Variants in SH2B2 observed in about 807,000 individuals in gnomAD.
SH2B2 encodes SH2B adapter protein 2.
Under a neutral mutation model 35.7 loss-of-function variants are expected in SH2B2, and 37 were observed. The observed-to-expected ratio is 1.04, with a 90% CI of 0.80 to 1.36. The LOEUF is 1.36. Among genes scored for constraint, SH2B2 ranks in the 40% most tolerant of loss-of-function variants. The pLI is 0.00. For missense variants in SH2B2, 852 were observed against 817.7 expected (o/e 1.04, Z -0.51); for synonymous variants, 383 against 376.4 (o/e 1.02, Z -0.20).
At chr7:102,319,217 C>G (rs782645573) in intron 7 of SH2B2, among the ~76,000 whole-genome samples, 1 of 152,192 alleles carries the variant, frequency 6.6e-6, no homozygotes, top group East Asian at 1.9e-4. Flanking sequence ...GTCCAACTTG[C>G]TTCTTCTCTC....
Position 102,314,691 on chromosome 7 carries a change from GGGGAC to G in SH2B2, c.1186+10_1186+14del. The G allele has an allele frequency of 2.5e-6, 1 of 398,708 alleles. No individual in the cohort carries two copies. Among genetic ancestry groups the G allele is most frequent in the Non-Finnish European group, 4.4e-6 (1 of 226,196 alleles). The allele number at this position is 398,708 out of a possible 1,614,324, so 24.7% of individuals were successfully genotyped here. On this transcript the variant is annotated intron_variant, in intron 6 of 8. Transcript: ENST00000444095. ...TGACAGCAATAACACAGGTGCCAGT[GGGGAC>G]AGCCTGCTCTTCCCATCCCACCTCT...
At position 102,321,677 on chromosome 7, in the gene SH2B2, C is replaced by G; in HGVS notation, c.*47C>G. ...GACACGCCAAGCTCTTCAGTGAAGA[C>G]ACGATGTTATTAAAAGCCTGTTTTA... On this transcript the variant is annotated 3_prime_UTR_variant, in exon 9 of 9. Coordinates refer to ENST00000444095, the MANE Select transcript of SH2B2 (RefSeq NM_001359228.2). 4.6e-6 allele frequency: 5 copies of G among 1,096,636 alleles called. No homozygotes were observed. Among genetic ancestry groups the G allele is most frequent in the Non-Finnish European group, 5.6e-6 (5 of 899,798 alleles). The allele number at this position is 1,096,636 out of a possible 1,614,324, so 67.9% of individuals were successfully genotyped here. A position where few individuals can be genotyped will look rare whatever the true frequency, so the allele number is the denominator to read the frequency against.
Position 102,291,861 on chromosome 7 carries a change from G to A in SH2B2, c.-30+4767G>A, listed in dbSNP as rs116480479. 9.9e-3 allele frequency among the ~76,000 whole-genome samples: 1,508 copies of A among 152,302 alleles called. 25 individuals carry two copies. The highest frequency in any genetic ancestry group is 0.034 in the African/African-American group (1,423 of 41,556). ...ACTCATACCTAGTCAGCGGGTGGGAGTCACTCCAGGCCGGAGGGATGACCT... is the reference window on the plus strand; with the variant it reads ...ACTCATACCTAGTCAGCGGGTGGGAATCACTCCAGGCCGGAGGGATGACCT... On this transcript the variant is annotated intron_variant, in intron 1 of 8. Coordinates refer to ENST00000444095, the MANE Select transcript of SH2B2 (RefSeq NM_001359228.2).
chr7:102,321,357 C>G lies in SH2B2; in HGVS notation c.1626C>G (p.Pro542=), dbSNP rs782425353. Residue 542 remains proline, a synonymous_variant, in exon 9 of 9, where the codon CCC becomes CCG. Coordinates refer to ENST00000444095, the MANE Select transcript of SH2B2 (RefSeq NM_001359228.2). ...CCCCGGCCTGCTGGAGCGACTCGCC[C>G]GGCCAGCACTACTTCTCCAGCCTCG... ...PASPACWSDS[P]GQHYFSSLAA... is the part of the protein sequence containing the mutation. 7.0e-7 allele frequency: 1 copy of G among 1,437,450 alleles called. No homozygotes were observed. The highest frequency in any genetic ancestry group is 3.1e-5 in the East Asian group (1 of 32,212). 89.0% of individuals were successfully genotyped at this position (1,437,450 alleles called of 1,614,324 possible).
chr7:102,289,194 A>G (rs1792576423), intron 1 of SH2B2, among the ~76,000 whole-genome samples: 1 of 152,168 alleles, frequency 6.6e-6, no homozygotes, highest in South Asian at 2.1e-4. Context: ...CTCTGGGTGA[A>G]GCAGGGTTTG....
intron 4 of SH2B2, among the ~76,000 whole-genome samples, chr7:102,311,522 T>C (rs1793618654): frequency 6.7e-6 from 1 of 150,284 alleles, no homozygotes; most frequent in Admixed American, 6.7e-5. Context: ...CCCAAAGTGC[T>C]GGGATTACAG....
At chr7:102,286,775 G>GGGGGCGGGA, upstream of SH2B2, 1 of 53,516 alleles carries the variant, frequency 1.9e-5, no homozygotes, top group Non-Finnish European at 4.3e-5. Context: ...AGGGGGCGGG[G>GGGGGCGGGA]CCAGGACGCG....
intron 1 of SH2B2, among the ~76,000 whole-genome samples, chr7:102,294,581 G>C (rs939033677): frequency 1.3e-5 from 2 of 152,104 alleles, no homozygotes; most frequent in Admixed American, 1.3e-4. Flanking sequence ...CACTCAGGGA[G>C]CACCCACGGG....
rs1464168368 is a variant in SH2B2 at position 102,321,335 on chromosome 7, C to T, written c.1604C>T (p.Pro535Leu). The T allele has an allele frequency of 1.4e-6, 2 of 1,437,444 alleles. No homozygotes were observed. The highest frequency in any genetic ancestry group is 1.8e-6 in the Non-Finnish European group (2 of 1,101,320). The allele number at this position is 1,437,444 out of a possible 1,614,324, so 89.0% of individuals were successfully genotyped here. Reference protein sequence around the residue: ...GPTPPAAPASPACWSDSPGQH... With the variant: ...GPTPPAAPASLACWSDSPGQH... ...ACGCCCCCTGCCGCGCCCGCGTCCC[C>T]GGCCTGCTGGAGCGACTCGCCCGGC... The change falls in exon 9 of 9, where the codon CCG becomes CTG. Residue 535 changes from proline (P) to leucine (L), a missense_variant. Pro to Leu is a moderately conservative substitution (Grantham distance 98, BLOSUM62 -3). This residue lies in a region of SH2B2 where 556 missense variants were observed against 514.5 expected (regional missense o/e 1.08). Transcript: ENST00000444095.
intron 4 of SH2B2, among the ~76,000 whole-genome samples, chr7:102,311,469 C>T (rs1474480166): frequency 3.3e-5 from 5 of 151,540 alleles, no homozygotes; most frequent in South Asian, 2.1e-4. Context: ...TGGTCAGGCT[C>T]GTCTCGAACT....
At chr7:102,289,600 G>A (rs187969906) in intron 1 of SH2B2, among the ~76,000 whole-genome samples, 1 of 152,162 alleles carries the variant, frequency 6.6e-6, no homozygotes, top group Non-Finnish European at 1.5e-5. Flanking sequence ...AGCACCTGTA[G>A]TCTCCAGAGT....
At position 102,300,635 on chromosome 7, in the gene SH2B2, C is replaced by G. The variant is rs1240992463; in HGVS notation, c.85C>G (p.Leu29Val). 1 of 1,550,340 alleles carries G rather than the reference C, an allele frequency of 6.5e-7. No individual in the cohort carries two copies. The highest frequency in any genetic ancestry group is 8.7e-7 in the Non-Finnish European group (1 of 1,145,848). The change falls in exon 2 of 9, where the codon CTG (leucine) becomes GTG (valine). Residue 29 changes from leucine (L) to valine (V), a missense_variant. Physicochemically the swap from Leu to Val is conservative, Grantham distance 32. Coordinates refer to ENST00000444095, the MANE Select transcript of SH2B2 (RefSeq NM_001359228.2). ...PVPDWRQFCELHAQAAAVDFA... is the reference protein window; with the variant it reads ...PVPDWRQFCEVHAQAAAVDFA... Reference sequence around the variant, plus strand: ...CCCGGACTGGCGGCAGTTCTGCGAGCTGCATGCGCAGGCGGCCGCCGTGGA... The same window carrying G: ...CCCGGACTGGCGGCAGTTCTGCGAGGTGCATGCGCAGGCGGCCGCCGTGGA...
At chr7:102,308,973 G>A in intron 4 of SH2B2, 67 bp downstream of exon 4, 1 of 1,266,036 alleles carries the variant, frequency 7.9e-7, no homozygotes, top group Non-Finnish European at 1.2e-6. Context: ...GCCTTCACCA[G>A]GAGCAGCTTC....
intron 1 of SH2B2, among the ~76,000 whole-genome samples, chr7:102,294,173 G>T (rs575086425): frequency 1.3e-5 from 2 of 152,054 alleles, no homozygotes; most frequent in Admixed American, 6.6e-5. Flanking sequence ...GACTACAGGC[G>T]TGTGCCACCA....
chr7:102,320,111 G>A (rs1407099365), intron 7 of SH2B2, among the ~76,000 whole-genome samples: 4 of 152,116 alleles, frequency 2.6e-5, no homozygotes, highest in Non-Finnish European at 5.9e-5. Context: ...TAGTGGAGGT[G>A]CTCCCAGCAT....
Position 102,321,382 on chromosome 7 carries a change from G to T in SH2B2, c.1651G>T (p.Ala551Ser). ...SPGQHYFSSLAAAACPPASPS... is the reference protein window; with the variant it reads ...SPGQHYFSSLSAAACPPASPS... The stretch of plus-strand genomic sequence containing the variant: ...CGGCCAGCACTACTTCTCCAGCCTC[G>T]CCGCGGCCGCCTGCCCGCCTGCCTC... Residue 551 changes from alanine (A) to serine (S), a missense_variant, in exon 9 of 9, where the codon GCC (alanine) becomes TCC (serine). Physicochemically the swap from Ala to Ser is moderately conservative, Grantham distance 99. Around this residue, in one of 3 missense-constraint regions of SH2B2, gnomAD observed 556 missense variants for 514.5 expected, o/e 1.08. Transcript: ENST00000444095. 1 of 1,389,058 alleles carries T rather than the reference G, an allele frequency of 7.2e-7. No individual in the cohort carries two copies. The highest frequency in any genetic ancestry group is 9.3e-7 in the Non-Finnish European group (1 of 1,071,652). The allele number at this position is 1,389,058 out of a possible 1,614,324, so 86.0% of individuals were successfully genotyped here.
chr7:102,286,452 A>G (rs1203853162), upstream of SH2B2, among the ~76,000 whole-genome samples: 3 of 151,994 alleles, frequency 2.0e-5, no homozygotes, highest in Non-Finnish European at 4.4e-5. Context: ...CGCGTCCCAT[A>G]CACCCGCCAC....
chr7:102,306,853 T>G, intron 3 of SH2B2, 31 bp downstream of exon 3: 4 of 1,512,088 alleles, frequency 2.6e-6, no homozygotes, highest in Non-Finnish European at 3.6e-6. Flanking sequence ...TCAGAGATCC[T>G]CCAGCTGCCC....
chr7:102,299,546 G>A (rs782431292), intron 1 of SH2B2, among the ~76,000 whole-genome samples: 2 of 152,114 alleles, frequency 1.3e-5, no homozygotes, highest in Admixed American at 6.6e-5. Context: ...ACAGACTTTA[G>A]AGGAAGTAAG....
Sources: gnomAD v4.1 joint callset for allele counts (sites outside exome capture counted in the v4.1 genomes callset) on GRCh38, gnomAD v4.1.1 for gene constraint, gnomAD v4.1.1 regional missense constraint, MANE v1.5 for transcripts, NCBI Gene and HGNC (gene_info 2026-07-23, HGNC 2026-07-21) for gene names.